GPC5: variants seen among roughly 807,000 people sequenced by gnomAD.
The protein encoded by GPC5 is glypican 5.
In GPC5, 47 loss-of-function variants were observed where a neutral mutation model predicts 53.9. That is an observed-to-expected ratio of 0.87 (90% CI 0.69 to 1.11). GPC5 has a LOEUF of 1.11. Among genes scored for constraint, GPC5 ranks in the 50% most tolerant of loss-of-function variants. The pLI is 0.00. For synonymous variants in GPC5, 286 were observed against 263.3 expected (o/e 1.09, Z -0.84); for missense variants, 748 against 713.1 (o/e 1.05, Z -0.56).
At chr13:91,546,856 A>C (rs1249914112) in intron 2 of GPC5, among the ~76,000 whole-genome samples, 1 of 152,084 alleles carries the variant, frequency 6.6e-6, no homozygotes, top group African/African-American at 2.4e-5. Flanking sequence ...ATTAAGAATG[A>C]ATTGAAGTGG....
chr13:91,512,147 C>G (rs911489942), intron 2 of GPC5, among the ~76,000 whole-genome samples: 4 of 152,168 alleles, frequency 2.6e-5, no homozygotes, highest in Non-Finnish European at 5.9e-5. Context: ...GATCAAGATT[C>G]CATCATCGCA....
intron 2 of GPC5, among the ~76,000 whole-genome samples, chr13:91,454,287 A>G (rs1594110259): frequency 6.6e-6 from 1 of 152,104 alleles, no homozygotes; most frequent in African/African-American, 2.4e-5. Context: ...AATAATATCA[A>G]TAGTAGAAAA....
At chr13:92,804,928 C>T (rs539954902) in intron 7 of GPC5, among the ~76,000 whole-genome samples, 1 of 152,110 alleles carries the variant, frequency 6.6e-6, no homozygotes, top group East Asian at 1.9e-4. Context: ...ACTTTATTTT[C>T]TCATCCATAT....
At chr13:91,485,397 A>G (rs1455493348) in intron 2 of GPC5, among the ~76,000 whole-genome samples, 1 of 151,796 alleles carries the variant, frequency 6.6e-6, no homozygotes, top group African/African-American at 2.4e-5. Flanking sequence ...TGTATTTTTT[A>G]AGTAGAAATG....
intron 6 of GPC5, among the ~76,000 whole-genome samples, chr13:91,987,571 T>C (rs976558174): frequency 2.6e-5 from 4 of 151,714 alleles, no homozygotes. Flanking sequence ...TCTATTATAA[T>C]TTATGTTTTT....
At chr13:92,281,389 G>A (rs992221244) in intron 7 of GPC5, among the ~76,000 whole-genome samples, 3 of 152,200 alleles carry the variant, frequency 2.0e-5, no homozygotes, top group African/African-American at 7.2e-5. Context: ...TGACAGCTTT[G>A]AAGAGAGTAG....
intron 5 of GPC5, among the ~76,000 whole-genome samples, chr13:91,795,613 C>T (rs935093094): frequency 4.6e-5 from 7 of 152,266 alleles, no homozygotes; most frequent in Admixed American, 2.0e-4. Context: ...TTAGTTGCTT[C>T]ATTTGCTTTC....
chr13:92,745,386 A>T (rs988516790), intron 7 of GPC5, among the ~76,000 whole-genome samples: 1 of 152,018 alleles, frequency 6.6e-6, no homozygotes. Flanking sequence ...CATCTAAACA[A>T]TTTTTTTGAA....
chr13:92,256,785 C>T (rs1332067834), intron 7 of GPC5, among the ~76,000 whole-genome samples: 3 of 151,550 alleles, frequency 2.0e-5, no homozygotes, highest in African/African-American at 7.3e-5. Context: ...CCCATGTGTT[C>T]CCTTTTCCCT....
intron 6 of GPC5, among the ~76,000 whole-genome samples, chr13:92,116,174 A>C (rs1056939412): frequency 5.9e-5 from 9 of 152,176 alleles, no homozygotes; most frequent in Admixed American, 5.9e-4. Context: ...ACTTGAGCAC[A>C]ACAGGTCAAG....
At chr13:91,716,920 C>T (rs1172340731) in intron 3 of GPC5, among the ~76,000 whole-genome samples, 1 of 152,176 alleles carries the variant, frequency 6.6e-6, no homozygotes, top group East Asian at 1.9e-4. Flanking sequence ...TGGCTATTAG[C>T]TTTGTTCTGG....
At chr13:92,676,556 GT>G (rs1187890955) in intron 7 of GPC5, among the ~76,000 whole-genome samples, 2 of 152,116 alleles carry the variant, frequency 1.3e-5, no homozygotes, top group Non-Finnish European at 1.5e-5. Flanking sequence ...GAAGTATGGA[GT>G]CAGGCAAACC....
intron 2 of GPC5, among the ~76,000 whole-genome samples, chr13:91,610,337 T>C (rs568187280): frequency 1.3e-5 from 2 of 152,354 alleles, no homozygotes; most frequent in South Asian, 4.1e-4. Context: ...TTTTTTGTTT[T>C]GTTTCTGCCT....
intron 6 of GPC5, among the ~76,000 whole-genome samples, chr13:92,106,721 C>T (rs143275999): frequency 2.2e-4 from 34 of 152,186 alleles, no homozygotes; most frequent in African/African-American, 7.9e-4. Context: ...AGTTGTAGCA[C>T]ATTGTTTTTG....
intron 2 of GPC5, among the ~76,000 whole-genome samples, chr13:91,650,772 T>TTTTTTTTA (rs2034687788): frequency 7.9e-6 from 1 of 127,004 alleles, no homozygotes; most frequent in Admixed American, 8.1e-5. Context: ...TTTTTTTTTT[T>TTTTTTTTA]AGCACAGAAG....
At chr13:91,910,296 G>A (rs2039597564) in intron 6 of GPC5, among the ~76,000 whole-genome samples, 1 of 152,120 alleles carries the variant, frequency 6.6e-6, no homozygotes, top group Non-Finnish European at 1.5e-5. Flanking sequence ...ATGGCTAACA[G>A]CACCTCCACA....
chr13:91,423,650 T>G (rs547814161), intron 1 of GPC5, among the ~76,000 whole-genome samples: 2 of 152,266 alleles, frequency 1.3e-5, no homozygotes, highest in Non-Finnish European at 2.9e-5. Context: ...AGGAATAAGT[T>G]CTAGGGATCT....
chr13:92,028,848 T>C (rs904335876), intron 6 of GPC5, among the ~76,000 whole-genome samples: 3 of 152,174 alleles, frequency 2.0e-5, no homozygotes, highest in African/African-American at 7.2e-5. Context: ...GGCTGTATCC[T>C]GATTTATGAT....
At chr13:92,059,987 T>C (rs1247077546) in intron 6 of GPC5, 1 of 151,940 alleles carries the variant, frequency 6.6e-6, no homozygotes, top group Non-Finnish European at 1.5e-5. Context: ...AAAAAACACT[T>C]TAAAAAATAT....
Sources: gnomAD v4.1 joint callset for allele counts (sites outside exome capture counted in the v4.1 genomes callset) on GRCh38, gnomAD v4.1.1 for gene constraint, MANE v1.5 for transcripts, NCBI Gene and HGNC (gene_info 2026-07-23, HGNC 2026-07-21) for gene names.